GREB1: variants seen among roughly 807,000 people sequenced by gnomAD.
GREB1 encodes the protein protein GREB1.
A neutral mutation model predicts 200.7 loss-of-function variants in GREB1; 106 were observed. The ratio of observed to expected loss-of-function variants is 0.53; its 90% CI spans 0.45 to 0.62. The LOEUF (loss-of-function observed/expected upper bound fraction) is 0.62. Ranked by LOEUF, GREB1 falls within the 20% of genes least tolerant of loss-of-function variation. GREB1 has a pLI of 0.00. For synonymous variants in GREB1, 1,132 were observed against 1,092.4 expected (o/e 1.04, Z -0.72); for missense variants, 2,243 against 2,556.8 (o/e 0.88, Z 2.65).
chr2:11,515,705 T>C (rs1299690754), intron 1 of GREB1, among the ~76,000 whole-genome samples: 1 of 152,242 alleles, frequency 6.6e-6, no homozygotes, highest in African/African-American at 2.4e-5. Flanking sequence ...GCAGATGTTC[T>C]CAGGCCAGAG....
chr2:11,484,733 T>C (rs1439921869), intron 1 of GREB1, among the ~76,000 whole-genome samples: 3 of 152,234 alleles, frequency 2.0e-5, no homozygotes, highest in Admixed American at 1.3e-4. Context: ...CAGTGAGTTA[T>C]GATCGTGCCA....
At chr2:11,499,330 G>A (rs1004638822) in intron 1 of GREB1, among the ~76,000 whole-genome samples, 1 of 152,242 alleles carries the variant, frequency 6.6e-6, no homozygotes, top group African/African-American at 2.4e-5. Context: ...CACACAGGCC[G>A]GCTGCAGCCA....
intron 1 of GREB1, among the ~76,000 whole-genome samples, chr2:11,516,941 T>C (rs896317955): frequency 1.9e-4 from 29 of 152,078 alleles, no homozygotes; most frequent in African/African-American, 6.3e-4. Flanking sequence ...CGGGGAGCAT[T>C]GTTTTGGGGA....
chr2:11,516,348 GCA>G (rs1673500074), intron 1 of GREB1, among the ~76,000 whole-genome samples: 1 of 149,842 alleles, frequency 6.7e-6, no homozygotes, highest in Non-Finnish European at 1.5e-5. Context: ...GTGTGTGTGT[GCA>G]CGCAATCTGT....
chr2:11,587,719 AC>A, intron 9 of GREB1: 3 of 1,189,694 alleles, frequency 2.5e-6, no homozygotes, highest in Non-Finnish European at 3.1e-6. Flanking sequence ...ACACACACAC[AC>A]ACACACACAC....
chr2:11,561,313 T>C (rs914071783), intron 2 of GREB1: 1 of 152,066 alleles, frequency 6.6e-6, no homozygotes, highest in Non-Finnish European at 1.5e-5. Flanking sequence ...TGTATGTGTG[T>C]GTGTTTGTGT....
At chr2:11,541,266 G>A (rs1674716334) in intron 1 of GREB1, among the ~76,000 whole-genome samples, 1 of 152,168 alleles carries the variant, frequency 6.6e-6, no homozygotes, top group African/African-American at 2.4e-5. Flanking sequence ...AGAAAGGGAA[G>A]GGAAAGGGAG....
rs1681492826 is a variant in GREB1 at position 11,598,741 on chromosome 2, T to C, written c.2214T>C (p.Tyr738=). 1 of 1,614,240 alleles carries C rather than the reference T, an allele frequency of 6.2e-7. No individual in the cohort carries two copies. The highest frequency in any genetic ancestry group is 8.5e-7 in the Non-Finnish European group (1 of 1,180,026). ...EHMTKQRVEQ[Y]VLKLDTEAQT... ...TGACGAAGCAGAGGGTGGAACAGTA[T>C]GTTCTGAAGCTAGACACGGAGGCAC... The change falls in exon 15 of 33, where the codon TAT becomes TAC. Residue 738 remains tyrosine, a synonymous_variant. Coordinates refer to ENST00000381486, the MANE Select transcript of GREB1 (RefSeq NM_014668.4).
intron 1 of GREB1, among the ~76,000 whole-genome samples, chr2:11,514,912 AATCC>A (rs1406774236): frequency 1.3e-5 from 2 of 152,122 alleles, no homozygotes; most frequent in Non-Finnish European, 2.9e-5. Context: ...CTATTAGTTG[AATCC>A]ATCCGTCCAC....
intron 9 of GREB1, among the ~76,000 whole-genome samples, chr2:11,586,610 G>GCA (rs201609210): frequency 6.6e-6 from 1 of 152,086 alleles, no homozygotes; most frequent in Non-Finnish European, 1.5e-5. Context: ...CGTGGGCACG[G>GCA]CACACACACA....
At chr2:11,605,764 T>C (rs1045453176) in intron 17 of GREB1, among the ~76,000 whole-genome samples, 11 of 152,226 alleles carry the variant, frequency 7.2e-5, no homozygotes, top group African/African-American at 2.4e-4. Context: ...CCATGTTGTT[T>C]TATGTATCAA....
chr2:11,615,329 G>A (rs1401112840), intron 20 of GREB1, 39 bp downstream of exon 20: 4 of 1,505,096 alleles, frequency 2.7e-6, no homozygotes, highest in South Asian at 1.2e-5. Context: ...GTCCCTGTCT[G>A]CATGTCTTTC....
chr2:11,578,460 C>T, intron 6 of GREB1, 29 bp downstream of exon 6: 3 of 1,610,212 alleles, frequency 1.9e-6, no homozygotes, highest in African/African-American at 1.3e-5. Context: ...ACCAGAGCTG[C>T]TAAACCCACA....
intron 18 of GREB1, among the ~76,000 whole-genome samples, chr2:11,611,592 G>A (rs534779680): frequency 6.6e-6 from 1 of 152,290 alleles, no homozygotes; most frequent in South Asian, 2.1e-4. Context: ...GGTGTGAGCT[G>A]CCCTGCTTAT....
At chr2:11,590,245 C>G (rs1008322001) in intron 10 of GREB1, among the ~76,000 whole-genome samples, 1 of 152,164 alleles carries the variant, frequency 6.6e-6, no homozygotes, top group Non-Finnish European at 1.5e-5. Context: ...CCTCGCTCAC[C>G]CTCTCTGTGG....
At chr2:11,532,606 A>G (rs565519500), upstream of GREB1, among the ~76,000 whole-genome samples, 1 of 152,272 alleles carries the variant, frequency 6.6e-6, no homozygotes, top group East Asian at 1.9e-4. Context: ...ATACCTAAAC[A>G]AGTTTGCTGC....
Position 11,618,650 on chromosome 2 carries a change from G to A in GREB1, c.3775G>A (p.Val1259Ile). ...LTKACRQPPI[V>I]FLPKLVYDMV... is the part of the protein sequence containing the mutation. Reference sequence around the variant, plus strand: ...CAAGGCCTGCCGCCAGCCACCCATTGTCTTCTTGCCCAAGCTCGTGTACGA... The same window carrying A: ...CAAGGCCTGCCGCCAGCCACCCATTATCTTCTTGCCCAAGCTCGTGTACGA... Residue 1259 changes from valine (V) to isoleucine (I), a missense_variant, in exon 22 of 33, where the codon GTC (valine) becomes ATC (isoleucine). Physicochemically the swap from Val to Ile is conservative, Grantham distance 29 (BLOSUM62 3). This residue lies in a region of GREB1 where 587 missense variants were observed against 553.1 expected (regional missense o/e 1.06). Transcript: ENST00000381486. 1.2e-6 allele frequency: 2 copies of A among 1,613,684 alleles called. No individual in the cohort carries two copies. The highest frequency in any genetic ancestry group is 1.7e-6 in the Non-Finnish European group (2 of 1,179,988).
chr2:11,555,652 C>G (rs780594279), intron 1 of GREB1, among the ~76,000 whole-genome samples: 18 of 152,080 alleles, frequency 1.2e-4, no homozygotes, highest in Non-Finnish European at 2.2e-4. Flanking sequence ...CTGAATGATT[C>G]CATTTATACA....
chr2:11,559,575 G>A (rs1010044264), intron 2 of GREB1, among the ~76,000 whole-genome samples: 1 of 152,168 alleles, frequency 6.6e-6, no homozygotes, highest in Non-Finnish European at 1.5e-5. Flanking sequence ...GCTGGTTTTA[G>A]TTCTCCTGGG....
Sources: allele counts gnomAD v4.1 joint callset (sites outside exome capture counted in the v4.1 genomes callset), GRCh38; gene constraint gnomAD v4.1.1; regional missense constraint gnomAD v4.1.1; transcripts MANE v1.5; gene names NCBI Gene and HGNC (gene_info 2026-07-23, HGNC 2026-07-21).